Variants in SMOC2 observed in about 807,000 individuals in gnomAD.
SMOC2 encodes SPARC related modular calcium binding 2, also known as SPARC-related modular calcium-binding protein 2.
Under a neutral mutation model 61.4 loss-of-function variants are expected in SMOC2, and 39 were observed. That is an observed-to-expected ratio of 0.64 (90% CI 0.49 to 0.83). The LOEUF (loss-of-function observed/expected upper bound fraction) is 0.83, where lower values mean the gene tolerates loss of function less well. SMOC2 is among the 40% of genes least tolerant of loss of function. The probability of loss-of-function intolerance (pLI) is 0.00; values close to 1 mark genes in which losing one functional copy is unlikely to be tolerated. For synonymous variants in SMOC2, 247 were observed against 239.9 expected, an observed-to-expected ratio of 1.03 and a Z score of -0.27; for missense variants, 556 against 592.9, an observed-to-expected ratio of 0.94 and a Z score of 0.65.
rs144334518 is a variant in SMOC2 at position 168,612,760 on chromosome 6, G to C, written c.907+4521G>C. Among the ~76,000 whole-genome samples, 617 of 152,334 alleles carry C rather than the reference G, an allele frequency of 4.1e-3. 4 individuals are homozygous for C. The highest frequency in any genetic ancestry group is 0.014 in the African/African-American group (602 of 41,582). ...AGGCCCTCGGCGCGGCAATGCAAGA[G>C]GCCATCGGCACAACCTTGTCAGAGA... On this transcript the variant is annotated intron_variant, in intron 9 of 12. Coordinates refer to ENST00000356284, the MANE Select transcript of SMOC2 (RefSeq NM_001166412.2).
intron 7 of SMOC2, among the ~76,000 whole-genome samples, chr6:168,581,035 C>T (rs1784906198): frequency 6.6e-6 from 1 of 152,192 alleles, no homozygotes; most frequent in African/African-American, 2.4e-5. Context: ...GTCATAGGCA[C>T]AGCCTTCGCC....
intron 8 of SMOC2, among the ~76,000 whole-genome samples, chr6:168,607,588 T>G (rs928673173): frequency 6.6e-6 from 1 of 151,142 alleles, no homozygotes; most frequent in African/African-American, 2.4e-5. Context: ...GAGAGTCGTT[T>G]TTTTTTTTTT....
intron 2 of SMOC2, among the ~76,000 whole-genome samples, chr6:168,518,718 C>G (rs1026786080): frequency 7.0e-6 from 1 of 143,064 alleles, no homozygotes; most frequent in Admixed American, 7.0e-5. Flanking sequence ...GAGTGTTATG[C>G]TTATGTGAGT....
chr6:168,580,801 C>T lies in SMOC2; in HGVS notation c.638-18017C>T, dbSNP rs1483325453. Among the ~76,000 whole-genome samples, 4 of 152,178 alleles carry T rather than the reference C, an allele frequency of 2.6e-5. No individual in the cohort carries two copies. In the South Asian group the frequency reaches 8.3e-4, roughly 32 times the overall value. ...TAAGTGATCCTCCTACCTCAGCCTC[C>T]CAAAGTGTGGGTAAGCCACCATGCC... is the stretch of plus-strand genomic sequence containing the variant. On this transcript the variant is annotated intron_variant, in intron 7 of 12. Transcript: ENST00000356284.
intron 1 of SMOC2, among the ~76,000 whole-genome samples, chr6:168,504,057 C>T (rs1343499092): frequency 2.0e-5 from 3 of 152,120 alleles, no homozygotes; most frequent in Admixed American, 6.5e-5. Flanking sequence ...ACGAGGCCTG[C>T]TTTCAGTGGC....
intron 2 of SMOC2, among the ~76,000 whole-genome samples, chr6:168,518,837 G>A (rs1343225383): frequency 2.7e-5 from 4 of 149,454 alleles, no homozygotes; most frequent in South Asian, 2.2e-4. Flanking sequence ...GCATGAGTGT[G>A]CATGCGTGTG....
At chr6:168,590,525 A>C (rs73260691) in intron 7 of SMOC2, among the ~76,000 whole-genome samples, 32,147 of 151,912 alleles carry the variant, frequency 0.21, 3,772 homozygotes, top group South Asian at 0.28. Context: ...TCGCGGGACC[A>C]TGTGCCTGCT....
chr6:168,619,651 ACCT>A lies in SMOC2; in HGVS notation c.907+11416_907+11418del, dbSNP rs1786195566. 2.6e-5 allele frequency among the ~76,000 whole-genome samples: 4 copies of A among 152,204 alleles called. No homozygotes were observed. In the South Asian group the frequency reaches 8.3e-4, roughly 32 times the overall value. On this transcript the variant is annotated intron_variant, in intron 9 of 12. Transcript: ENST00000356284. Reference sequence around the variant, plus strand: ...GAGGCTCTACCATAATCAAATTAAAACCTCCTATAACGCAAGTCTCACTTACTT... The same window carrying A: ...GAGGCTCTACCATAATCAAATTAAAACCTATAACGCAAGTCTCACTTACTT...
intron 2 of SMOC2, among the ~76,000 whole-genome samples, chr6:168,510,344 C>A (rs1024559160): frequency 2.0e-5 from 3 of 152,066 alleles, no homozygotes; most frequent in African/African-American, 4.8e-5. Context: ...GTTTTTTTCC[C>A]CAAAGTCTTC....
At position 168,650,764 on chromosome 6, in the gene SMOC2, C is replaced by A. The variant is rs1199554108; in HGVS notation, c.991C>A (p.Pro331Thr). The A allele has an allele frequency of 1.2e-6, 2 of 1,611,960 alleles. No individual in the cohort carries two copies. The highest frequency in any genetic ancestry group is 2.7e-5 in the African/African-American group (2 of 74,926). The change falls in exon 10 of 13, where the codon CCC (proline) becomes ACC (threonine). Residue 331 changes from proline to threonine, a missense_variant. Physicochemically the swap from Pro to Thr is conservative, Grantham distance 38 (BLOSUM62 -1). Transcript: ENST00000356284. ...STDMVHAASDPSSSSGRLSEP... is the reference protein window; with the variant it reads ...STDMVHAASDTSSSSGRLSEP... ...GGACATGGTCCACGCCGCCTCCGAC[C>A]CCTCCTCCTCGTCAGGCAGGTACGC...
At chr6:168,617,273 C>T (rs1786118531) in intron 9 of SMOC2, among the ~76,000 whole-genome samples, 1 of 146,870 alleles carries the variant, frequency 6.8e-6, no homozygotes, top group Non-Finnish European at 1.5e-5. Context: ...AGAGGAAAGA[C>T]TAACAAATGT....
chr6:168,497,147 C>T (rs1782609927), intron 1 of SMOC2, among the ~76,000 whole-genome samples: 1 of 152,218 alleles, frequency 6.6e-6, no homozygotes, highest in Non-Finnish European at 1.5e-5. Flanking sequence ...GGTTAAGGGC[C>T]CTGGTTGGAA....
intron 7 of SMOC2, among the ~76,000 whole-genome samples, chr6:168,557,320 A>T (rs1343775708): frequency 1.3e-5 from 2 of 152,204 alleles, no homozygotes; most frequent in African/African-American, 2.4e-5. Context: ...TTGTTTAAAA[A>T]CATTAATTAA....
intron 7 of SMOC2, among the ~76,000 whole-genome samples, chr6:168,554,831 T>C (rs775924745): frequency 3.9e-5 from 6 of 152,226 alleles, no homozygotes; most frequent in Non-Finnish European, 5.9e-5. Context: ...AACTACATTC[T>C]GTGTTTTGGG....
chr6:168,518,606 T>C (rs554854933), intron 2 of SMOC2, among the ~76,000 whole-genome samples: 1 of 135,016 alleles, frequency 7.4e-6, no homozygotes, highest in Admixed American at 7.7e-5. Flanking sequence ...TGTGTTCATG[T>C]GTGTGCATGT....
At chr6:168,526,898 C>G (rs377222877) in intron 3 of SMOC2, among the ~76,000 whole-genome samples, 14 of 152,276 alleles carry the variant, frequency 9.2e-5, no homozygotes, top group African/African-American at 3.4e-4. Context: ...AGACATGGAG[C>G]TGAGCCAAGT....
At chr6:168,627,334 T>C (rs913100150) in intron 9 of SMOC2, among the ~76,000 whole-genome samples, 4 of 152,232 alleles carry the variant, frequency 2.6e-5, no homozygotes, top group South Asian at 2.1e-4. Flanking sequence ...TTAGCTGTTA[T>C]GTTAGAGGCA....
intron 1 of SMOC2, among the ~76,000 whole-genome samples, chr6:168,471,401 G>T (rs760248444): frequency 1.4e-4 from 21 of 152,164 alleles, no homozygotes; most frequent in Non-Finnish European, 2.8e-4. Flanking sequence ...CATTCATGCG[G>T]TAACATAGTT....
At chr6:168,526,537 G>C in intron 3 of SMOC2, 85 bp downstream of exon 3, 1 of 1,065,642 alleles carries the variant, frequency 9.4e-7, no homozygotes, top group Non-Finnish European at 1.4e-6. Flanking sequence ...GCAGGTGGGG[G>C]GAGCCGAACA....
Sources: gnomAD v4.1 joint callset for allele counts (sites outside exome capture counted in the v4.1 genomes callset) on GRCh38, gnomAD v4.1.1 for gene constraint, MANE v1.5 for transcripts, NCBI Gene and HGNC (gene_info 2026-07-23, HGNC 2026-07-21) for gene names.